The following DLG2 variants were observed in gnomAD, a reference collection of about 807,000 sequenced individuals.
The protein encoded by DLG2 is discs large MAGUK scaffold protein 2.
Under a neutral mutation model 132.5 loss-of-function variants are expected in DLG2, and 45 were observed. That is an observed-to-expected ratio of 0.34 (90% CI 0.27 to 0.44). The LOEUF (loss-of-function observed/expected upper bound fraction) is 0.44, where lower values mean the gene tolerates loss of function less well. Ranked by LOEUF, DLG2 falls within the 20% of genes least tolerant of loss-of-function variation. The pLI is 1.00. For synonymous variants in DLG2, 424 were observed against 419.6 expected (o/e 1.01, Z -0.13); for missense variants, 1,045 against 1,196.9 (o/e 0.87, Z 1.87).
At chr11:85,241,853 G>C (rs1255759991) in intron 4 of DLG2, among the ~76,000 whole-genome samples, 1 of 151,838 alleles carries the variant, frequency 6.6e-6, no homozygotes, top group Middle Eastern at 3.2e-3. Context: ...ATAGGTTTGG[G>C]TTACAAAACA....
At chr11:84,709,405 G>C (rs1282664482) in intron 6 of DLG2, among the ~76,000 whole-genome samples, 1 of 151,966 alleles carries the variant, frequency 6.6e-6, no homozygotes, top group Non-Finnish European at 1.5e-5. Context: ...GAGAGTAAGA[G>C]AAAGAAAACT....
rs71066061 is a variant in DLG2, at chr11:83,733,240, C to CAAAA, written c.1825+53446_1825+53449dup. Among the ~76,000 whole-genome samples, 83 of 46,222 alleles carry CAAAA rather than the reference C, an allele frequency of 1.8e-3. 1 individual carries two copies. The highest frequency in any genetic ancestry group is 5.8e-3 in the African/African-American group (77 of 13,206). 30.3% of individuals were successfully genotyped at this position (46,222 alleles called of 152,430 possible). On this transcript the variant is annotated intron_variant, in intron 18 of 27. Coordinates refer to ENST00000376104, the MANE Select transcript of DLG2 (RefSeq NM_001142699.3). ...TGGGCAATGGAGGGAGACCCCATCT[C>CAAAA]AAAAAAAAAAAAAAAAAAAAAAAAG... is the stretch of plus-strand genomic sequence containing the variant.
chr11:83,587,988 C>T (rs1203069055), intron 19 of DLG2, among the ~76,000 whole-genome samples: 2 of 152,172 alleles, frequency 1.3e-5, no homozygotes, highest in Non-Finnish European at 2.9e-5. Context: ...CTCAGAGGCT[C>T]CTAAGCCCAC....
chr11:85,224,029 T>G (rs1346165891), intron 4 of DLG2, among the ~76,000 whole-genome samples: 1 of 152,184 alleles, frequency 6.6e-6, no homozygotes, highest in African/African-American at 2.4e-5. Context: ...GTACCTTAGT[T>G]TTTACATCTT....
At chr11:83,775,821 A>G (rs149060170) in intron 18 of DLG2, among the ~76,000 whole-genome samples, 4,309 of 152,174 alleles carry the variant, frequency 0.028, 211 homozygotes, top group African/African-American at 0.096. Context: ...AGCCGGGCGC[A>G]GTGGCTCACG....
At chr11:84,234,499 T>C (rs2097134226) in intron 8 of DLG2, among the ~76,000 whole-genome samples, 3 of 152,190 alleles carry the variant, frequency 2.0e-5, no homozygotes, top group Admixed American at 2.0e-4. Flanking sequence ...CAACTTCTAA[T>C]TATTATGTAT....
At chr11:85,026,600 G>A (rs989462498) in intron 6 of DLG2, among the ~76,000 whole-genome samples, 2 of 152,122 alleles carry the variant, frequency 1.3e-5, no homozygotes, top group Non-Finnish European at 1.5e-5. Flanking sequence ...CACTTTAGGA[G>A]GCCGAGGCAG....
chr11:85,226,616 C>T (rs1326576405), intron 4 of DLG2, among the ~76,000 whole-genome samples: 4 of 151,934 alleles, frequency 2.6e-5, no homozygotes, highest in Non-Finnish European at 5.9e-5. Context: ...GGAATGAATT[C>T]AAAATGTGGA....
chr11:84,532,441 T>G lies in DLG2; in HGVS notation c.519+2129A>C, dbSNP rs535495416. 7.4e-4 allele frequency among the ~76,000 whole-genome samples: 112 copies of G among 151,916 alleles called. 1 individual carries two copies. Among genetic ancestry groups the G allele is most frequent in the Middle Eastern group, 3.4e-3 (1 of 292 alleles). ...TTCTTTGGGAGGTATGCTCTAGAGG[T>G]GATTAAGGAGGAAAGGTTGGGAAGG... is the stretch of plus-strand genomic sequence containing the variant. On this transcript the variant is annotated intron_variant, in intron 7 of 27. Transcript: ENST00000376104.
intron 8 of DLG2, among the ~76,000 whole-genome samples, chr11:84,171,094 T>C (rs2095810163): frequency 6.6e-6 from 1 of 152,130 alleles, no homozygotes; most frequent in Non-Finnish European, 1.5e-5. Flanking sequence ...TTTCTACTCC[T>C]CAAAGATCTC....
intron 3 of DLG2, among the ~76,000 whole-genome samples, chr11:85,531,622 G>A (rs959897163): frequency 6.6e-6 from 1 of 152,176 alleles, no homozygotes; most frequent in Non-Finnish European, 1.5e-5. Context: ...GCTAGTGGGA[G>A]GAAGAGACCA....
chr11:83,832,447 C>T (rs2054819346), intron 17 of DLG2, among the ~76,000 whole-genome samples: 2 of 152,132 alleles, frequency 1.3e-5, no homozygotes, highest in South Asian at 4.1e-4. Flanking sequence ...AAATAATGCC[C>T]TTTGCACCAA....
chr11:84,936,102 A>C (rs2048714420), intron 6 of DLG2, among the ~76,000 whole-genome samples: 2 of 152,200 alleles, frequency 1.3e-5, no homozygotes, highest in Non-Finnish European at 2.9e-5. Flanking sequence ...TTAAAAAGTA[A>C]ATTAACGGAT....
intron 18 of DLG2, among the ~76,000 whole-genome samples, chr11:83,772,600 AAAGG>A (rs1165983729): frequency 2.6e-5 from 4 of 151,656 alleles, no homozygotes; most frequent in African/African-American, 7.3e-5. Context: ...AGAGAGGAAG[AAAGG>A]AAGGAAGGAA....
At chr11:85,527,630 T>C (rs1177748026) in intron 3 of DLG2, among the ~76,000 whole-genome samples, 1 of 152,218 alleles carries the variant, frequency 6.6e-6, no homozygotes, top group Non-Finnish European at 1.5e-5. Context: ...AAGTATTTCC[T>C]ATTGTAAATA....
At chr11:83,510,720 G>T (rs1489235219) in intron 21 of DLG2, among the ~76,000 whole-genome samples, 3 of 151,748 alleles carry the variant, frequency 2.0e-5, no homozygotes, top group Admixed American at 2.0e-4. Context: ...TCTTTCAGAT[G>T]CTAAATGCAA....
chr11:83,724,500 A>T (rs574681924), intron 18 of DLG2, among the ~76,000 whole-genome samples: 30,955 of 141,556 alleles, frequency 0.22, 3,631 homozygotes, highest in African/African-American at 0.29. Context: ...AGAGAGAGAG[A>T]GAGAGAGAGA....
chr11:84,590,108 TTGGAAGGGCAATAG>T (rs1426938767), intron 6 of DLG2, among the ~76,000 whole-genome samples: 1 of 152,190 alleles, frequency 6.6e-6, no homozygotes, highest in Non-Finnish European at 1.5e-5. Context: ...TCCTACCCTG[TTGGAAGGGCAATAG>T]TAAGCATCTA....
chr11:83,835,837 T>A (rs545197048), intron 16 of DLG2, among the ~76,000 whole-genome samples: 1 of 152,258 alleles, frequency 6.6e-6, no homozygotes, highest in African/African-American at 2.4e-5. Context: ...CTGGCAGAAT[T>A]CAGTTTCTTG....
Sources: gnomAD v4.1 joint callset for allele counts (sites outside exome capture counted in the v4.1 genomes callset) on GRCh38, gnomAD v4.1.1 for gene constraint, MANE v1.5 for transcripts, NCBI Gene and HGNC (gene_info 2026-07-23, HGNC 2026-07-21) for gene names.